Variants in CLPX observed in about 807,000 individuals in gnomAD.
CLPX encodes the protein ATP-dependent clpX-like chaperone, mitochondrial.
CLPX carries 34 observed loss-of-function variants against 76.4 expected under a neutral mutation model. That is an observed-to-expected ratio of 0.45 (90% CI 0.34 to 0.59). The LOEUF is 0.59. Among genes scored for constraint, CLPX ranks in the 20% least tolerant of loss-of-function variants. The pLI, the probability that CLPX is intolerant of heterozygous loss-of-function variation, is 0.01. For synonymous variants in CLPX, 248 were observed against 270.9 expected (o/e 0.92, Z 0.83); for missense variants, 613 against 757.0 (o/e 0.81, Z 2.23).
At position 65,150,518 on chromosome 15, in the gene CLPX, A is replaced by C. The variant is rs958598460; in HGVS notation, c.*305T>G. The C allele has an allele frequency of 2.4e-5, 5 of 211,532 alleles. No individual in the cohort carries two copies. Among genetic ancestry groups the C allele is most frequent in the African/African-American group, 1.1e-4 (5 of 43,746 alleles). The allele number at this position is 211,532 out of a possible 1,614,324, so 13.1% of individuals were successfully genotyped here. On this transcript the variant is annotated 3_prime_UTR_variant, in exon 14 of 14. Coordinates refer to ENST00000300107, the MANE Select transcript of CLPX (RefSeq NM_006660.5). ...TTATTGTAAAATCTACAGTTATCGC[A>C]ATACCTGCATTGCTTAAAAGAATTC...
At position 65,154,862 on chromosome 15, in the gene CLPX, C is replaced by T. The variant is rs930316852; in HGVS notation, c.1531G>A (p.Glu511Lys). 1 of 1,614,042 alleles carries T rather than the reference C, an allele frequency of 6.2e-7. No individual in the cohort carries two copies. The highest frequency in any genetic ancestry group is 8.5e-7 in the Non-Finnish European group (1 of 1,179,986). The change falls in exon 11 of 14, where the codon GAG becomes AAG. Residue 511 changes from glutamate to lysine, a missense_variant. Glu to Lys is a moderately conservative substitution (Grantham distance 56). Around this residue, in one of 2 missense-constraint regions of CLPX, gnomAD observed 450 missense variants for 638.6 expected, o/e 0.70. Coordinates refer to ENST00000300107, the MANE Select transcript of CLPX (RefSeq NM_006660.5). ...GTTAATATTTGTACAAGTGTTTTCTCATCTAGGCTATGCAATGGAACCACC... is the reference window on the plus strand; with the variant it reads ...GTTAATATTTGTACAAGTGTTTTCTTATCTAGGCTATGCAATGGAACCACC... ...PVVVPLHSLD[E>K]KTLVQILTEP...
chr15:65,150,895 G>C lies in CLPX; in HGVS notation c.1830C>G (p.Ser610=). Residue 610 remains serine, a synonymous_variant, in exon 14 of 14, where the codon TCC becomes TCG. Coordinates refer to ENST00000300107, the MANE Select transcript of CLPX (RefSeq NM_006660.5). ...PGYIRAPTKE[S]SEEEYDSGVE... ...CTCCAGAGTCATACTCCTCTTCAGA[G>C]GATTCTTTTGTTGGAGCCCTACAAT... The C allele has an allele frequency of 6.2e-7, 1 of 1,608,570 alleles. No individual in the cohort carries two copies.
At chr15:65,184,180 T>C (rs2088220486) in intron 1 of CLPX, among the ~76,000 whole-genome samples, 1 of 152,216 alleles carries the variant, frequency 6.6e-6, no homozygotes, top group Non-Finnish European at 1.5e-5. Context: ...TAAGCCAAAA[T>C]AAAACGAATT....
intron 4 of CLPX, among the ~76,000 whole-genome samples, chr15:65,164,573 G>C (rs952677189): frequency 2.0e-5 from 3 of 152,012 alleles, no homozygotes; most frequent in Admixed American, 6.6e-5. Flanking sequence ...ATCCATACCT[G>C]TCAATCAAAT....
chr15:65,172,243 A>G (rs972748721), intron 3 of CLPX, among the ~76,000 whole-genome samples: 8 of 152,204 alleles, frequency 5.3e-5, no homozygotes, highest in African/African-American at 1.7e-4. Flanking sequence ...CATTACAGGC[A>G]TGAACCACCA....
rs375818507 is a variant in CLPX at position 65,164,016 on chromosome 15, T to C, written c.673+13A>G. Reference sequence around the variant, plus strand: ...TAGCAATCTCTATTTAGGTCAATTATCAAAAACGCTACCTCTTGGTGTTAA... The same window carrying C: ...TAGCAATCTCTATTTAGGTCAATTACCAAAAACGCTACCTCTTGGTGTTAA... On this transcript the variant is annotated intron_variant, in intron 5 of 13. Transcript: ENST00000300107. The C allele has an allele frequency of 1.1e-4, 170 of 1,610,550 alleles. No homozygotes were observed. Among genetic ancestry groups the C allele is most frequent in the Non-Finnish European group, 1.4e-4 (160 of 1,177,928 alleles).
Position 65,162,624 on chromosome 15 carries a change from TC to T in CLPX, c.694del (p.Glu232ArgfsTer22). ...CTTACTTGTAAATCTGTACTCATCC[TC>T]CCGTCTTCTTATTTCTAACTCTAAG... ...TPRELEIRRR[E>X]DEYRFTKLLQ... On this transcript the variant is annotated frameshift_variant, in exon 6 of 14. Transcript: ENST00000300107. LOFTEE classifies it high-confidence loss of function. The T allele has an allele frequency of 6.3e-7, 1 of 1,587,226 alleles. No homozygotes were observed. The highest frequency in any genetic ancestry group is 8.6e-7 in the Non-Finnish European group (1 of 1,159,026).
chr15:65,173,199 G>T (rs1000246228), intron 3 of CLPX, among the ~76,000 whole-genome samples: 1 of 151,868 alleles, frequency 6.6e-6, no homozygotes, highest in Admixed American at 6.6e-5. Context: ...GTGAAATCTT[G>T]TCTCTACTAA....
intron 3 of CLPX, among the ~76,000 whole-genome samples, chr15:65,174,095 CT>C (rs2088052558): frequency 6.6e-6 from 1 of 151,748 alleles, no homozygotes; most frequent in Admixed American, 6.6e-5. Flanking sequence ...CTGCTTCAGC[CT>C]CCTGAGTAGT....
At chr15:65,151,468 AAAAAAAAAAAAAG>A (rs2087720075) in intron 13 of CLPX, among the ~76,000 whole-genome samples, 1 of 134,748 alleles carries the variant, frequency 7.4e-6, no homozygotes, top group Non-Finnish European at 1.7e-5. Flanking sequence ...AAAAAAAAAA[AAAAAAAAAAAAAG>A]GACAATATGG....
At position 65,180,169 on chromosome 15, in the gene CLPX, C is replaced by A; in HGVS notation, c.115G>T (p.Gly39Ter). ...SGGRIHMSVLGRLGTFETQIL... is the reference protein window; with the variant it reads ...SGGRIHMSVL ...TGAGTTTCAAATGTCCCAAGCCTTC[C>A]TAAAACTGACATATGAATGCGACCA... Residue 39 changes from glycine (G) to a stop codon, truncating the protein, a stop_gained, in exon 2 of 14, where the codon GGA (glycine) becomes TGA (stop). Transcript: ENST00000300107. LOFTEE classifies it high-confidence loss of function. The A allele has an allele frequency of 6.2e-7, 1 of 1,602,210 alleles. No homozygotes were observed. Among genetic ancestry groups the A allele is most frequent in the Non-Finnish European group, 8.5e-7 (1 of 1,173,306 alleles).
chr15:65,159,820 T>A (rs1241233072), intron 6 of CLPX, among the ~76,000 whole-genome samples: 2 of 151,198 alleles, frequency 1.3e-5, no homozygotes, highest in South Asian at 2.1e-4. Context: ...TCTTTTTTTT[T>A]TTTTTATTTT....
intron 1 of CLPX, chr15:65,184,363 T>G (rs1412103628): frequency 6.6e-6 from 1 of 152,256 alleles, no homozygotes; most frequent in Non-Finnish European, 1.5e-5. Context: ...CTTAGGAAAC[T>G]ACCTCCCGGT....
At chr15:65,175,245 G>A (rs951930054) in intron 3 of CLPX, among the ~76,000 whole-genome samples, 2 of 152,168 alleles carry the variant, frequency 1.3e-5, no homozygotes, top group Admixed American at 6.6e-5. Flanking sequence ...CAGCACTTTG[G>A]GAGGCCAAGG....
At chr15:65,184,662 C>A (rs189427368) in intron 1 of CLPX, among the ~76,000 whole-genome samples, 38 of 152,372 alleles carry the variant, frequency 2.5e-4, no homozygotes, top group African/African-American at 9.1e-4. Context: ...GAGCCCCCAA[C>A]GGGCCCGAGG....
rs1208836573 is a variant in CLPX, at chr15:65,150,851, G to A, written c.1874C>T (p.Pro625Leu). ...GCTGTTTGCAGCATCTGCTTGGCGGGGCCATCCTTCTTCTTCAACTCCAGA... is the reference window on the plus strand; with the variant it reads ...GCTGTTTGCAGCATCTGCTTGGCGGAGCCATCCTTCTTCTTCAACTCCAGA... ...YDSGVEEEGW[P>L]RQADAANS Residue 625 changes from proline to leucine, a missense_variant, in exon 14 of 14, where the codon CCC (proline) becomes CTC (leucine). Coordinates refer to ENST00000300107, the MANE Select transcript of CLPX (RefSeq NM_006660.5). 1.9e-6 allele frequency: 3 copies of A among 1,612,820 alleles called. No individual in the cohort carries two copies. Among genetic ancestry groups the A allele is most frequent in the Non-Finnish European group, 2.5e-6 (3 of 1,179,352 alleles).
intron 3 of CLPX, among the ~76,000 whole-genome samples, chr15:65,178,123 T>A (rs554027031): frequency 4.9e-4 from 75 of 152,308 alleles, no homozygotes; most frequent in Non-Finnish European, 8.8e-4. Context: ...AGTGTCTGAA[T>A]CATTAATAAT....
At chr15:65,150,935 G>C in intron 13 of CLPX, 22 bp from the exon 14 acceptor site, 1 of 1,535,744 alleles carries the variant, frequency 6.5e-7, no homozygotes, top group Admixed American at 1.9e-5. Context: ...AGCCATGTTT[G>C]TTTTTTTAAA....
Position 65,152,447 on chromosome 15 carries a change from CT to C in CLPX, c.1793del (p.Lys598ArgfsTer53), listed in dbSNP as rs1405022901. ...CACTTTACCGGATGTATCCTGGTTCCTTTTTTCCTTCTACTACTTCTTTGTC... is the reference window on the plus strand; with the variant it reads ...CACTTTACCGGATGTATCCTGGTTCCTTTTTCCTTCTACTACTTCTTTGTC... ...EVDKEVVEGK[K>X]EPGYIRAPTK... On this transcript the variant is annotated frameshift_variant, in exon 13 of 14. Coordinates refer to ENST00000300107, the MANE Select transcript of CLPX (RefSeq NM_006660.5). LOFTEE classifies it high-confidence loss of function. The C allele has an allele frequency of 1.9e-5, 29 of 1,547,648 alleles. No individual in the cohort carries two copies. Among genetic ancestry groups the C allele is most frequent in the Admixed American group, 3.9e-5 (2 of 51,862 alleles).
Sources: gnomAD v4.1 joint callset for allele counts (sites outside exome capture counted in the v4.1 genomes callset) on GRCh38, gnomAD v4.1.1 for gene constraint, gnomAD v4.1.1 regional missense constraint, MANE v1.5 for transcripts, NCBI Gene and HGNC (gene_info 2026-07-23, HGNC 2026-07-21) for gene names.